IQCM: variants seen among roughly 807,000 people sequenced by gnomAD.
The protein encoded by IQCM is IQ motif containing M.
Under a neutral mutation model 57.6 loss-of-function variants are expected in IQCM, and 45 were observed. That is an observed-to-expected ratio of 0.78 (90% CI 0.62 to 1.00). The LOEUF (loss-of-function observed/expected upper bound fraction) is 1.00, where lower values mean the gene tolerates loss of function less well. IQCM is among the 50% of genes least tolerant of loss of function. The pLI is 0.00. For synonymous variants in IQCM, 148 were observed against 158.9 expected, an observed-to-expected ratio of 0.93 and a Z score of 0.51; for missense variants, 468 against 511.6, an observed-to-expected ratio of 0.91 and a Z score of 0.82.
chr4:149,572,189 G>C (rs1751222927), intron 9 of IQCM, among the ~76,000 whole-genome samples: 1 of 151,964 alleles, frequency 6.6e-6, no homozygotes. Context: ...AAGCAAAAGG[G>C]ACTGGCTTCC....
At chr4:149,771,392 G>A (rs1770564856) in intron 2 of IQCM, among the ~76,000 whole-genome samples, 1 of 152,032 alleles carries the variant, frequency 6.6e-6, no homozygotes, top group South Asian at 2.1e-4. Context: ...AAATAGTTGT[G>A]TCACGCTTAA....
At chr4:149,449,416 T>C (rs1579093978) in intron 12 of IQCM, among the ~76,000 whole-genome samples, 1 of 145,562 alleles carries the variant, frequency 6.9e-6, no homozygotes, top group Non-Finnish European at 1.5e-5. Flanking sequence ...TATATATATA[T>C]AGTTCCTGAA....
chr4:149,667,382 C>A (rs1297935810), intron 7 of IQCM, among the ~76,000 whole-genome samples: 3 of 152,028 alleles, frequency 2.0e-5, no homozygotes, highest in African/African-American at 7.2e-5. Flanking sequence ...GGAAGAGCAT[C>A]AACATCGACA....
chr4:149,427,001 A>C (rs1250884868), intron 13 of IQCM, among the ~76,000 whole-genome samples: 1 of 151,916 alleles, frequency 6.6e-6, no homozygotes, highest in Admixed American at 6.6e-5. Context: ...ATGCCCCCTT[A>C]TTTAAATAGA....
intron 13 of IQCM, among the ~76,000 whole-genome samples, chr4:149,368,771 C>CATATATACACGT (rs1730030388): frequency 2.7e-5 from 2 of 73,304 alleles, no homozygotes; most frequent in Admixed American, 2.9e-4. Flanking sequence ...TATATATATA[C>CATATATACACGT]ATATATATAC....
chr4:149,626,057 T>C (rs1486545496), intron 7 of IQCM, among the ~76,000 whole-genome samples: 1 of 152,204 alleles, frequency 6.6e-6, no homozygotes, highest in East Asian at 1.9e-4. Flanking sequence ...AAAGTATTGA[T>C]GCTGGGTGTG....
chr4:149,402,480 C>T (rs1732685280), intron 13 of IQCM, among the ~76,000 whole-genome samples: 1 of 151,734 alleles, frequency 6.6e-6, no homozygotes, highest in Non-Finnish European at 1.5e-5. Flanking sequence ...ATATCTAATA[C>T]TAACTCTAGG....
intron 12 of IQCM, among the ~76,000 whole-genome samples, chr4:149,446,327 T>C (rs1369705186): frequency 1.3e-5 from 2 of 151,770 alleles, no homozygotes; most frequent in Non-Finnish European, 3.0e-5. Flanking sequence ...GTAAGCTAAC[T>C]GGTCCATGAA....
At chr4:149,352,682 C>A (rs532368834) in intron 13 of IQCM, among the ~76,000 whole-genome samples, 2 of 152,274 alleles carry the variant, frequency 1.3e-5, no homozygotes, top group African/African-American at 4.8e-5. Context: ...AGATGCAACA[C>A]GTTTGCTTTT....
At chr4:149,671,919 G>A (rs1057324481) in intron 7 of IQCM, among the ~76,000 whole-genome samples, 2 of 152,094 alleles carry the variant, frequency 1.3e-5, no homozygotes, top group South Asian at 2.1e-4. Context: ...TCTCTGAGAC[G>A]AAGCTTCCAG....
intron 12 of IQCM, among the ~76,000 whole-genome samples, chr4:149,455,196 C>G (rs2174192): frequency 0.42 from 63,602 of 151,934 alleles, 15,437 homozygotes; most frequent in Non-Finnish European, 0.55. Context: ...TTGCATTTGC[C>G]GCACTGGCAG....
chr4:149,419,769 T>C (rs886383440), intron 13 of IQCM, among the ~76,000 whole-genome samples: 3 of 152,042 alleles, frequency 2.0e-5, no homozygotes, highest in African/African-American at 7.2e-5. Flanking sequence ...ATCCAGAATC[T>C]ACAAGAAACT....
chr4:149,522,505 G>C lies in IQCM; in HGVS notation c.1228+25950C>G, dbSNP rs186017367. Among the ~76,000 whole-genome samples the C allele has an allele frequency of 3.4e-3, 513 of 152,154 alleles. 5 individuals are homozygous for C. Among genetic ancestry groups the C allele is most frequent in the South Asian group, 0.015 (74 of 4,824 alleles). On this transcript the variant is annotated intron_variant, in intron 12 of 13. Coordinates refer to ENST00000636793, the MANE Select transcript of IQCM (RefSeq NM_001363507.2). ...AGACTTTCTACAACAACACAAATATGATTTTCTACTTTAATAATTCAGTGA... is the reference window on the plus strand; with the variant it reads ...AGACTTTCTACAACAACACAAATATCATTTTCTACTTTAATAATTCAGTGA...
chr4:149,452,702 C>T (rs925732821), intron 12 of IQCM, among the ~76,000 whole-genome samples: 5 of 151,566 alleles, frequency 3.3e-5, no homozygotes, highest in African/African-American at 4.8e-5. Context: ...ACATATCCAT[C>T]GCCTCCCAAA....
chr4:149,686,299 A>T (rs1327023164), intron 6 of IQCM, 79 bp downstream of exon 6: 4 of 591,054 alleles, frequency 6.8e-6, no homozygotes, highest in Non-Finnish European at 9.9e-6. Flanking sequence ...AACTTGAGAG[A>T]CCATGACAAT....
rs71622752 is a variant in IQCM, at chr4:149,368,832, G to A, written c.1391-16766C>T. 1.8e-4 allele frequency among the ~76,000 whole-genome samples: 9 copies of A among 50,296 alleles called. 1 individual carries two copies. Among genetic ancestry groups the A allele is most frequent in the African/African-American group, 2.3e-4 (3 of 13,312 alleles). The allele number at this position is 50,296 out of a possible 152,430, so 33.0% of individuals were successfully genotyped here. A position where few individuals can be genotyped will look rare whatever the true frequency, so the allele number is the denominator to read the frequency against. On this transcript the variant is annotated intron_variant, in intron 13 of 13. Coordinates refer to ENST00000636793, the MANE Select transcript of IQCM (RefSeq NM_001363507.2). ...TGTATATATATACATATATATACAT[G>A]TATATATATACATATATATACATGT...
intron 11 of IQCM, 99 bp from the exon 12 acceptor site, chr4:149,548,688 CATG>C (rs1748707579): frequency 1.9e-6 from 1 of 526,770 alleles, no homozygotes; most frequent in Admixed American, 4.4e-5. Context: ...AGTAAGTCTC[CATG>C]ATTAGTCTAG....
At chr4:149,406,093 A>G (rs1050651421) in intron 13 of IQCM, among the ~76,000 whole-genome samples, 6 of 151,788 alleles carry the variant, frequency 4.0e-5, no homozygotes, top group Non-Finnish European at 7.4e-5. Flanking sequence ...TCACTCTCTT[A>G]AGAACCAAGT....
At chr4:149,702,315 C>CAG (rs1763833098) in intron 5 of IQCM, among the ~76,000 whole-genome samples, 1 of 151,512 alleles carries the variant, frequency 6.6e-6, no homozygotes, top group South Asian at 2.1e-4. Flanking sequence ...CACACACACA[C>CAG]ACACACACAC....
Sources: gnomAD v4.1 joint callset for allele counts (sites outside exome capture counted in the v4.1 genomes callset) on GRCh38, gnomAD v4.1.1 for gene constraint, MANE v1.5 for transcripts, NCBI Gene and HGNC (gene_info 2026-07-23, HGNC 2026-07-21) for gene names.